Variants in RAB27A observed in about 807,000 individuals in gnomAD.
RAB27A encodes the protein RAB27A, member RAS oncogene family.
Under a neutral mutation model 20.8 loss-of-function variants are expected in RAB27A, and 17 were observed. That is an observed-to-expected ratio of 0.82 (90% CI 0.56 to 1.23). The LOEUF (loss-of-function observed/expected upper bound fraction) is 1.23. Among genes scored for constraint, RAB27A ranks in the 50% most tolerant of loss-of-function variants. The pLI, the probability that RAB27A is intolerant of heterozygous loss-of-function variation, is 0.00. For missense variants in RAB27A, 277 were observed against 266.7 expected (o/e 1.04, Z -0.27); for synonymous variants, 85 against 92.8 (o/e 0.92, Z 0.48).
At chr15:55,253,002 T>G (rs1896949271) in intron 2 of RAB27A, among the ~76,000 whole-genome samples, 2 of 151,252 alleles carry the variant, frequency 1.3e-5, no homozygotes, top group Non-Finnish European at 2.9e-5. Flanking sequence ...CATGGTGGCA[T>G]GTGCCTGTAA....
At chr15:55,296,732 T>G (rs2054951018) in intron 2 of RAB27A, among the ~76,000 whole-genome samples, 1 of 152,106 alleles carries the variant, frequency 6.6e-6, no homozygotes, top group Non-Finnish European at 1.5e-5. Context: ...TGATGACATG[T>G]GGGTCTGAGG....
rs192177123 is a variant in RAB27A at position 55,300,109 on chromosome 15, C to T, written c.-112+13930G>A. Among the ~76,000 whole-genome samples, 158 of 152,138 alleles carry T rather than the reference C, an allele frequency of 1.0e-3. No individual in the cohort carries two copies. The East Asian group carries it at 0.025, about 24-fold the overall frequency. The stretch of plus-strand genomic sequence containing the variant: ...TGCTGGGATTACAGGCATGAGCCAC[C>T]GCGCCTGGCCAATCCTAATTTCTTG... On this transcript the variant is annotated intron_variant, in intron 2 of 5. Transcript: ENST00000563262.
chr15:55,248,524 GT>G (rs897825266), intron 2 of RAB27A, among the ~76,000 whole-genome samples: 15 of 152,158 alleles, frequency 9.9e-5, no homozygotes. Context: ...ATCAGGAAGA[GT>G]TTTTCCCCTG....
At chr15:55,311,849 C>T (rs115669245) in intron 2 of RAB27A, among the ~76,000 whole-genome samples, 1,700 of 152,262 alleles carry the variant, frequency 0.011, 30 homozygotes, top group African/African-American at 0.039. Context: ...TTTCCCATTG[C>T]TTTGGAGATC....
At chr15:55,218,197 TGA>T (rs1895404064) in intron 6 of RAB27A, among the ~76,000 whole-genome samples, 1 of 152,176 alleles carries the variant, frequency 6.6e-6, no homozygotes, top group Non-Finnish European at 1.5e-5. Context: ...AAGTGAGAAG[TGA>T]GTTTCACACT....
intron 1 of RAB27A, among the ~76,000 whole-genome samples, chr15:55,280,308 T>A (rs1382695953): frequency 3.3e-5 from 5 of 151,912 alleles, no homozygotes; most frequent in Admixed American, 6.6e-5. Context: ...ATATGATCTC[T>A]TCCAGCCTGA....
At chr15:55,304,460 A>G (rs954665324) in intron 2 of RAB27A, among the ~76,000 whole-genome samples, 8 of 128,568 alleles carry the variant, frequency 6.2e-5, no homozygotes, top group African/African-American at 1.1e-4. Context: ...AATTATCAAT[A>G]AAAAAATAAA....
upstream of RAB27A, among the ~76,000 whole-genome samples, chr15:55,292,904 C>T (rs1447598278): frequency 6.6e-6 from 1 of 152,052 alleles, no homozygotes; most frequent in Non-Finnish European, 1.5e-5. Context: ...GCATTTAAGG[C>T]ATGAGCAATG....
At chr15:55,285,088 T>G (rs533298531) in intron 1 of RAB27A, among the ~76,000 whole-genome samples, 299 of 152,328 alleles carry the variant, frequency 2.0e-3, no homozygotes, top group African/African-American at 6.9e-3. Flanking sequence ...AATTTTTTAG[T>G]AAAAGTATGT....
intron 6 of RAB27A, among the ~76,000 whole-genome samples, chr15:55,214,154 A>T (rs571645018): frequency 6.6e-6 from 1 of 152,272 alleles, no homozygotes; most frequent in East Asian, 1.9e-4. Flanking sequence ...AAACTGGTTG[A>T]GGCCGGGCGC....
intron 1 of RAB27A, chr15:55,314,293 G>T (rs2055034436): frequency 6.6e-6 from 1 of 151,916 alleles, no homozygotes. Flanking sequence ...AAAGAACTTT[G>T]TACATATGTG....
chr15:55,301,226 G>T (rs1158815997), intron 2 of RAB27A, among the ~76,000 whole-genome samples: 1 of 152,100 alleles, frequency 6.6e-6, no homozygotes, highest in African/African-American at 2.4e-5. Flanking sequence ...CCAAATAGCT[G>T]GGATCACAGG....
Position 55,205,671 on chromosome 15 carries a change from T to G in RAB27A, c.502A>C (p.Thr168Pro). ...PYFETSAANG[T>P]NISQAIEMLL... is the part of the protein sequence containing the mutation. ...ATCTCAATTGCTTGGCTTATGTTTG[T>G]CCCATTGGCAGCACTAGTTTCAAAG... The change falls in exon 7 of 7, where the codon ACA becomes CCA. Residue 168 changes from threonine to proline, a missense_variant. Coordinates refer to ENST00000336787, the MANE Select transcript of RAB27A (RefSeq NM_183235.3). The G allele has an allele frequency of 6.2e-7, 1 of 1,614,070 alleles. No individual in the cohort carries two copies. Among genetic ancestry groups the G allele is most frequent in the Non-Finnish European group, 8.5e-7 (1 of 1,179,986 alleles).
At chr15:55,232,456 T>C (rs1896069669) in intron 3 of RAB27A, among the ~76,000 whole-genome samples, 2 of 152,146 alleles carry the variant, frequency 1.3e-5, no homozygotes, top group African/African-American at 4.8e-5. Flanking sequence ...AACAGGAAAG[T>C]ATGGCTCATG....
At chr15:55,278,611 T>C (rs1850263499) in intron 1 of RAB27A, among the ~76,000 whole-genome samples, 1 of 151,924 alleles carries the variant, frequency 6.6e-6, no homozygotes, top group South Asian at 2.1e-4. Flanking sequence ...GCCTCCCAAG[T>C]AGCTGGGACT....
At chr15:55,240,073 T>C (rs1401771855) in intron 2 of RAB27A, among the ~76,000 whole-genome samples, 2 of 152,194 alleles carry the variant, frequency 1.3e-5, no homozygotes, top group East Asian at 1.9e-4. Flanking sequence ...TAAGTCTCAA[T>C]TGATGGTATA....
chr15:55,281,912 C>G (rs747038947), intron 1 of RAB27A, among the ~76,000 whole-genome samples: 1 of 152,092 alleles, frequency 6.6e-6, no homozygotes, highest in Non-Finnish European at 1.5e-5. Flanking sequence ...AAAATTTTGT[C>G]TCATGCTCCT....
At chr15:55,231,156 T>C (rs1388327122) in intron 3 of RAB27A, among the ~76,000 whole-genome samples, 5 of 152,214 alleles carry the variant, frequency 3.3e-5, no homozygotes, top group African/African-American at 1.2e-4. Context: ...AATTTCACTT[T>C]TTTATGGCTG....
At chr15:55,258,266 C>T (rs1413815872) in intron 2 of RAB27A, among the ~76,000 whole-genome samples, 1 of 152,146 alleles carries the variant, frequency 6.6e-6, no homozygotes, top group Non-Finnish European at 1.5e-5. Context: ...ACTACCTATA[C>T]CAGGTCTATC....
Sources: gnomAD v4.1 joint callset for allele counts (sites outside exome capture counted in the v4.1 genomes callset) on GRCh38, gnomAD v4.1.1 for gene constraint, MANE v1.5 for transcripts, NCBI Gene and HGNC (gene_info 2026-07-23, HGNC 2026-07-21) for gene names.